The following EGFR variants were observed in gnomAD, a reference collection of about 807,000 sequenced individuals.
EGFR encodes avian erythroblastic leukemia viral (v-erb-b) oncogene homolog.
EGFR carries 58 observed loss-of-function variants against 143.0 expected under a neutral mutation model. That is an observed-to-expected ratio of 0.41 (90% CI 0.33 to 0.50). The LOEUF (loss-of-function observed/expected upper bound fraction) is 0.50. Among genes scored for constraint, EGFR ranks in the 20% least tolerant of loss-of-function variants. The probability of loss-of-function intolerance (pLI) is 0.39; values close to 1 mark genes in which losing one functional copy is unlikely to be tolerated. For missense variants in EGFR, 1,307 were observed against 1,579.0 expected (o/e 0.83, Z 2.92); for synonymous variants, 613 against 594.4 (o/e 1.03, Z -0.45).
intron 1 of EGFR, among the ~76,000 whole-genome samples, chr7:55,032,523 G>C (rs1787312878): frequency 6.6e-6 from 1 of 152,188 alleles, no homozygotes; most frequent in Admixed American, 6.5e-5. Flanking sequence ...CTGGGGAACT[G>C]AATGAGGACG....
chr7:55,157,704 C>G lies in EGFR; in HGVS notation c.1249C>G (p.Leu417Val). 6.2e-7 allele frequency: 1 copy of G among 1,614,220 alleles called. No individual in the cohort carries two copies. Among genetic ancestry groups the G allele is most frequent in the Non-Finnish European group, 8.5e-7 (1 of 1,180,032 alleles). The change falls in exon 11 of 28, where the codon CTC becomes GTC. Residue 417 changes from leucine (L) to valine (V), a missense_variant. By Grantham distance (32) the Leu-to-Val change is conservative (BLOSUM62 1). Transcript: ENST00000275493. ...GGCTTGGCCTGAAAACAGGACGGACCTCCATGCCTTTGAGAACCTAGAAAT... is the reference window on the plus strand; with the variant it reads ...GGCTTGGCCTGAAAACAGGACGGACGTCCATGCCTTTGAGAACCTAGAAAT... ...IQAWPENRTD[L>V]HAFENLEIIR...
At chr7:55,058,938 C>G (rs1487372238) in intron 1 of EGFR, among the ~76,000 whole-genome samples, 1 of 152,006 alleles carries the variant, frequency 6.6e-6, no homozygotes, top group Admixed American at 6.5e-5. Context: ...ATGGCTCTAG[C>G]AAAAAAATAA....
rs560351597 is a variant in EGFR at position 55,173,335 on chromosome 7, C to T, written c.2061+211C>T. On this transcript the variant is annotated intron_variant, in intron 17 of 27. Transcript: ENST00000275493. ...GGCAATGTTTCTAGGCTGCACCCTT[C>T]AATGTCCACAAAGCTGTGTGGCATC... Among the ~76,000 whole-genome samples, 21 of 152,382 alleles carry T rather than the reference C, an allele frequency of 1.4e-4. No homozygotes were observed. In the East Asian group the frequency reaches 4.0e-3, roughly 29 times the overall value.
In EGFR at chr7:55,205,832, C is replaced by G; in HGVS notation, c.*215C>G. The stretch of plus-strand genomic sequence containing the variant: ...TTGTCTTCAAACTGTGAAGCATTTA[C>G]AGAAACGCATCCAGCAAGAATATTG... On this transcript the variant is annotated 3_prime_UTR_variant, in exon 28 of 28. Transcript: ENST00000275493. 1 of 631,950 alleles carries G rather than the reference C, an allele frequency of 1.6e-6. No homozygotes were observed. Among genetic ancestry groups the G allele is most frequent in the Non-Finnish European group, 2.7e-6 (1 of 366,566 alleles). 39.1% of individuals were successfully genotyped at this position (631,950 alleles called of 1,614,324 possible).
intron 20 of EGFR, among the ~76,000 whole-genome samples, chr7:55,190,526 C>A (rs903446490): frequency 6.0e-5 from 9 of 151,088 alleles, no homozygotes; most frequent in African/African-American, 2.0e-4. Context: ...AAAAAAAAAA[C>A]AATTTGCCAG....
At chr7:55,170,507 C>G (rs1478383579) in intron 15 of EGFR, 1 of 1,613,834 alleles carries the variant, frequency 6.2e-7, no homozygotes, top group African/African-American at 1.3e-5. Context: ...GCCTGGCCTT[C>G]TGCATCTGTG....
chr7:55,167,604 TTGATGGTGG>T (rs1786124539), intron 15 of EGFR, among the ~76,000 whole-genome samples: 1 of 119,420 alleles, frequency 8.4e-6, no homozygotes, highest in African/African-American at 3.6e-5. Flanking sequence ...GGTGGTGGTG[TTGATGGTGG>T]TGATGGTGGT....
At chr7:55,128,911 A>G (rs966509341) in intron 1 of EGFR, among the ~76,000 whole-genome samples, 4 of 152,226 alleles carry the variant, frequency 2.6e-5, no homozygotes, top group African/African-American at 9.6e-5. Context: ...CTCAACTGCC[A>G]TATTCATTAT....
At chr7:55,201,647 C>A in intron 25 of EGFR, 88 bp from the exon 26 acceptor site, 1 of 1,503,726 alleles carries the variant, frequency 6.7e-7, no homozygotes, top group Non-Finnish European at 9.3e-7. Context: ...ACAATATACC[C>A]TCCATGAGGC....
chr7:55,146,872 C>G (rs1794794440), intron 4 of EGFR, 132 bp downstream of exon 4: 6 of 1,293,968 alleles, frequency 4.6e-6, no homozygotes, highest in Middle Eastern at 1.9e-4. Context: ...AGCAAAATAT[C>G]TGACCACTAG....
chr7:55,204,171 A>G (rs983425650), intron 27 of EGFR, among the ~76,000 whole-genome samples: 2 of 149,036 alleles, frequency 1.3e-5, no homozygotes, highest in Non-Finnish European at 3.0e-5. Flanking sequence ...ACACACATAC[A>G]CACAGACACA....
chr7:55,200,438 A>C, intron 24 of EGFR, 25 bp downstream of exon 24: 1 of 1,603,656 alleles, frequency 6.2e-7, no homozygotes, highest in Non-Finnish European at 8.5e-7. Context: ...CTGTGCTTCC[A>C]TTGGGAAGAG....
intron 18 of EGFR, 66 bp from the exon 19 acceptor site, chr7:55,174,656 C>A (rs1013318934): frequency 3.8e-6 from 5 of 1,333,182 alleles, no homozygotes; most frequent in Non-Finnish European, 5.4e-6. Context: ...CCACCCAGAT[C>A]ACTGGGCAGC....
chr7:55,208,401 A>G lies in EGFR; in HGVS notation c.*2784A>G, dbSNP rs2280653. The G allele has an allele frequency of 0.23, 34,452 of 152,070 alleles. 4,155 individuals carry two copies. Among genetic ancestry groups the G allele is most frequent in the African/African-American group, 0.32 (13,071 of 41,438 alleles). The allele number at this position is 152,070 out of a possible 1,614,324, so 9.4% of individuals were successfully genotyped here. A position where few individuals can be genotyped will look rare whatever the true frequency, so the allele number is the denominator to read the frequency against. On this transcript the variant is annotated 3_prime_UTR_variant, in exon 28 of 28. Coordinates refer to ENST00000275493, the MANE Select transcript of EGFR (RefSeq NM_005228.5). Reference sequence around the variant, plus strand: ...TTAATACCCTACAGAAAGCCTGTCCATTGGCTGTTTCTTCCTCAGTCAGTT... The same window carrying G: ...TTAATACCCTACAGAAAGCCTGTCCGTTGGCTGTTTCTTCCTCAGTCAGTT...
rs780410240 is a variant in EGFR, at chr7:55,157,653, T to C, written c.1208-10T>C. ...TGGTGTGTGTCTGAAGTCTTTCATCTGCCTTACAGGGTTTTTGCTGATTCA... is the reference window on the plus strand; with the variant it reads ...TGGTGTGTGTCTGAAGTCTTTCATCCGCCTTACAGGGTTTTTGCTGATTCA... On this transcript the variant is annotated splice_polypyrimidine_tract_variant and intron_variant, in intron 10 of 27. Coordinates refer to ENST00000275493, the MANE Select transcript of EGFR (RefSeq NM_005228.5). 2 of 1,614,032 alleles carry C rather than the reference T, an allele frequency of 1.2e-6. No individual in the cohort carries two copies. The highest frequency in any genetic ancestry group is 1.7e-6 in the Non-Finnish European group (2 of 1,179,838).
At chr7:55,079,171 G>A (rs559179118) in intron 1 of EGFR, among the ~76,000 whole-genome samples, 20 of 152,284 alleles carry the variant, frequency 1.3e-4, no homozygotes, top group Admixed American at 1.0e-3. Flanking sequence ...CTGGGCGGGG[G>A]CGGGAAAACT....
rs77417742 is a variant in EGFR at position 55,132,393 on chromosome 7, A to C, written c.89-9893A>C. Among the ~76,000 whole-genome samples, 538 of 152,326 alleles carry C rather than the reference A, an allele frequency of 3.5e-3. 1 individual carries two copies. The highest frequency in any genetic ancestry group is 5.8e-3 in the South Asian group (28 of 4,824). On this transcript the variant is annotated intron_variant, in intron 1 of 27. Coordinates refer to ENST00000275493, the MANE Select transcript of EGFR (RefSeq NM_005228.5). ...ATGAATGAAGATGTGTTTCTTACAG[A>C]TAACTATGAACAAACCAGGAAGGAT... is the stretch of plus-strand genomic sequence containing the variant.
chr7:55,205,893 T>C lies in EGFR; in HGVS notation c.*276T>C. On this transcript the variant is annotated 3_prime_UTR_variant, in exon 28 of 28. Coordinates refer to ENST00000275493, the MANE Select transcript of EGFR (RefSeq NM_005228.5). The stretch of plus-strand genomic sequence containing the variant: ...CAGAAATTTATCTTTCAAAGAGGTA[T>C]ATTTGAAAAAAAAAAAAAGTATATG... The C allele has an allele frequency of 2.1e-6, 1 of 476,698 alleles. No individual in the cohort carries two copies. Among genetic ancestry groups the C allele is most frequent in the South Asian group, 2.6e-5 (1 of 38,786 alleles). The allele number at this position is 476,698 out of a possible 1,614,324, so 29.5% of individuals were successfully genotyped here.
At chr7:55,109,904 G>T in intron 1 of EGFR, 2 of 985,542 alleles carry the variant, frequency 2.0e-6, no homozygotes, top group South Asian at 9.4e-5. Context: ...CATTTGCTGT[G>T]GGTTCCCTCC....
Sources: gnomAD v4.1 joint callset for allele counts (sites outside exome capture counted in the v4.1 genomes callset) on GRCh38, gnomAD v4.1.1 for gene constraint, MANE v1.5 for transcripts, NCBI Gene and HGNC (gene_info 2026-07-23, HGNC 2026-07-21) for gene names.